ARHGAP15: variants seen among roughly 807,000 people sequenced by gnomAD.
ARHGAP15 encodes the protein Rho GTPase activating protein 15, also known as rho GTPase-activating protein 15.
In ARHGAP15, 51 loss-of-function variants were observed where a neutral mutation model predicts 63.7. That is an observed-to-expected ratio of 0.80 (90% CI 0.64 to 1.01). The LOEUF (loss-of-function observed/expected upper bound fraction) is 1.01. Ranked by LOEUF, ARHGAP15 falls within the 50% of genes least tolerant of loss-of-function variation. The probability of loss-of-function intolerance (pLI) is 0.00; values close to 1 mark genes in which losing one functional copy is unlikely to be tolerated. For missense variants in ARHGAP15, 560 were observed against 564.6 expected, an observed-to-expected ratio of 0.99 and a Z score of 0.08; for synonymous variants, 191 against 193.8, an observed-to-expected ratio of 0.99 and a Z score of 0.12.
At chr2:143,501,614 T>A (rs1693064316) in intron 9 of ARHGAP15, among the ~76,000 whole-genome samples, 1 of 152,242 alleles carries the variant, frequency 6.6e-6, no homozygotes, top group East Asian at 1.9e-4. Context: ...TATGTTCATG[T>A]ACACACTTGC....
At chr2:143,533,805 C>G (rs1694625855) in intron 10 of ARHGAP15, among the ~76,000 whole-genome samples, 1 of 152,114 alleles carries the variant, frequency 6.6e-6, no homozygotes, top group African/African-American at 2.4e-5. Flanking sequence ...AATAGAAATG[C>G]ATTTGTTTCT....
At chr2:143,505,179 C>T (rs1449710390) in intron 9 of ARHGAP15, among the ~76,000 whole-genome samples, 1 of 152,200 alleles carries the variant, frequency 6.6e-6, no homozygotes, top group Non-Finnish European at 1.5e-5. Context: ...AATATCAGCT[C>T]TTGCAAGTAA....
intron 12 of ARHGAP15, among the ~76,000 whole-genome samples, chr2:143,626,775 T>C (rs1343137704): frequency 2.0e-5 from 3 of 152,136 alleles, no homozygotes; most frequent in Non-Finnish European, 4.4e-5. Flanking sequence ...GTTTTTACAA[T>C]CCTCTTGTAA....
At chr2:143,310,557 T>C (rs1035029372) in intron 6 of ARHGAP15, among the ~76,000 whole-genome samples, 2 of 150,988 alleles carry the variant, frequency 1.3e-5, no homozygotes, top group Non-Finnish European at 3.0e-5. Context: ...AAATAAATTG[T>C]TTTAATCCAT....
intron 10 of ARHGAP15, among the ~76,000 whole-genome samples, chr2:143,537,268 C>T (rs1388533068): frequency 6.6e-6 from 1 of 152,022 alleles, no homozygotes; most frequent in Non-Finnish European, 1.5e-5. Flanking sequence ...ATTGTAGATT[C>T]TGGATATTAG....
intron 6 of ARHGAP15, among the ~76,000 whole-genome samples, chr2:143,339,112 A>C (rs1173819986): frequency 6.6e-6 from 1 of 152,080 alleles, no homozygotes; most frequent in African/African-American, 2.4e-5. Flanking sequence ...TATGCCCCTT[A>C]AATGTCATGC....
At chr2:143,483,142 C>A (rs530830992) in intron 8 of ARHGAP15, among the ~76,000 whole-genome samples, 23 of 152,254 alleles carry the variant, frequency 1.5e-4, no homozygotes, top group Admixed American at 1.4e-3. Context: ...TTTGAAAAAC[C>A]AATGCACCTT....
intron 2 of ARHGAP15, among the ~76,000 whole-genome samples, chr2:143,160,073 A>G (rs2105019534): frequency 6.6e-6 from 1 of 151,914 alleles, no homozygotes; most frequent in East Asian, 2.0e-4. Context: ...TATTTTGCAC[A>G]CCCTGTAGAT....
At chr2:143,396,806 C>T (rs954539192) in intron 6 of ARHGAP15, among the ~76,000 whole-genome samples, 1 of 151,936 alleles carries the variant, frequency 6.6e-6, no homozygotes, top group Non-Finnish European at 1.5e-5. Flanking sequence ...TACCCAGGAC[C>T]TTTCCCAGGA....
At chr2:143,487,329 A>G in intron 8 of ARHGAP15, 44 bp from the exon 9 acceptor site, 1 of 1,579,022 alleles carries the variant, frequency 6.3e-7, no homozygotes, top group Non-Finnish European at 8.6e-7. Context: ...AATAATCATA[A>G]AGGAGAAATT....
intron 12 of ARHGAP15, among the ~76,000 whole-genome samples, chr2:143,694,477 CGAT>C (rs1683755093): frequency 6.6e-6 from 1 of 151,944 alleles, no homozygotes; most frequent in East Asian, 1.9e-4. Context: ...GTTTTTTTTC[CGAT>C]GATAACAGTA....
At chr2:143,416,144 A>AAG (rs1456066524) in intron 6 of ARHGAP15, among the ~76,000 whole-genome samples, 1 of 151,924 alleles carries the variant, frequency 6.6e-6, no homozygotes, top group Non-Finnish European at 1.5e-5. Flanking sequence ...TAAAAAAAAA[A>AAG]AAACCTAGAT....
At chr2:143,689,659 GT>G (rs1683504807) in intron 12 of ARHGAP15, among the ~76,000 whole-genome samples, 1 of 152,144 alleles carries the variant, frequency 6.6e-6, no homozygotes, top group Non-Finnish European at 1.5e-5. Context: ...TAAGGCACTA[GT>G]ATCCTGACAT....
rs923908019 is a variant in ARHGAP15 at position 143,538,694 on chromosome 2, A to T, written c.926-17714A>T. 3.3e-5 allele frequency among the ~76,000 whole-genome samples: 5 copies of T among 152,090 alleles called. No homozygotes were observed. In the South Asian group the frequency reaches 8.3e-4, roughly 25 times the overall value. On this transcript the variant is annotated intron_variant, in intron 10 of 13. Transcript: ENST00000295095. ...TGCTGGATTACGTTTATTGATTTTCATATGTTGAACCAGCCTTGCATCCCA... is the reference window on the plus strand; with the variant it reads ...TGCTGGATTACGTTTATTGATTTTCTTATGTTGAACCAGCCTTGCATCCCA...
intron 6 of ARHGAP15, among the ~76,000 whole-genome samples, chr2:143,357,596 T>A (rs992439412): frequency 2.6e-5 from 4 of 152,192 alleles, no homozygotes; most frequent in African/African-American, 9.7e-5. Context: ...TGAATGAGGC[T>A]ACTGGATCAA....
At chr2:143,305,116 C>CAT (rs2105167425) in intron 6 of ARHGAP15, among the ~76,000 whole-genome samples, 1 of 152,106 alleles carries the variant, frequency 6.6e-6, no homozygotes, top group African/African-American at 2.4e-5. Flanking sequence ...GAAAATGTGG[C>CAT]ATATATACAC....
intron 10 of ARHGAP15, among the ~76,000 whole-genome samples, chr2:143,555,134 A>C (rs940987534): frequency 7.9e-5 from 12 of 152,176 alleles, no homozygotes; most frequent in Admixed American, 7.2e-4. Flanking sequence ...AAATTATGCC[A>C]TTATTACCAA....
chr2:143,356,577 A>G (rs1685818723), intron 6 of ARHGAP15, among the ~76,000 whole-genome samples: 1 of 152,176 alleles, frequency 6.6e-6, no homozygotes, highest in African/African-American at 2.4e-5. Flanking sequence ...ACAGGATTAA[A>G]GGGATTTTCT....
intron 6 of ARHGAP15, chr2:143,314,567 T>TA (rs1338256096): frequency 6.6e-6 from 1 of 152,112 alleles, no homozygotes; most frequent in Non-Finnish European, 1.5e-5. Flanking sequence ...TTTCAGTTAA[T>TA]AAGATGCTCA....
Sources: allele counts gnomAD v4.1 joint callset (sites outside exome capture counted in the v4.1 genomes callset), GRCh38; gene constraint gnomAD v4.1.1; transcripts MANE v1.5; gene names NCBI Gene and HGNC (gene_info 2026-07-23, HGNC 2026-07-21).